The following ADD1 variants were observed in gnomAD, a reference collection of about 807,000 sequenced individuals.
ADD1 encodes the protein alpha-adducin.
ADD1 carries 24 observed loss-of-function variants against 80.5 expected under a neutral mutation model. The ratio of observed to expected loss-of-function variants is 0.30; its 90% CI spans 0.22 to 0.42. ADD1 has a LOEUF of 0.42. ADD1 is among the 10% of genes least tolerant of loss of function. The pLI, the probability that ADD1 is intolerant of heterozygous loss-of-function variation, is 1.00. For missense variants in ADD1, 948 were observed against 1,019.0 expected (o/e 0.93, Z 0.95); for synonymous variants, 373 against 393.8 (o/e 0.95, Z 0.63).
chr4:2,844,325 G>A (rs756231687), intron 1 of ADD1: 1 of 152,530 alleles, frequency 6.6e-6, no homozygotes, highest in Non-Finnish European at 1.5e-5. Flanking sequence ...CTGCAGGGGT[G>A]GGGGCGGAGG....
At chr4:2,918,191 C>T (rs1388335445) in intron 14 of ADD1, among the ~76,000 whole-genome samples, 1 of 151,922 alleles carries the variant, frequency 6.6e-6, no homozygotes, top group Non-Finnish European at 1.5e-5. Flanking sequence ...TGTCCTATTT[C>T]GCTGAGCAGT....
In ADD1 at chr4:2,909,361, C is replaced by T. The variant is rs547726216; in HGVS notation, c.1721C>T (p.Thr574Met). Residue 574 changes from threonine to methionine, a missense_variant, in exon 13 of 16, where the codon ACG becomes ATG. Physicochemically the swap from Thr to Met is moderately conservative, Grantham distance 81. Coordinates refer to ENST00000683351, the MANE Select transcript of ADD1 (RefSeq NM_001354761.2). ...CAGGATGCACCTCTCTCTGACTGTA[C>T]GGAAACTATCGAAGGGCTCGAGCTT... The part of the protein sequence containing the change: ...LVQDAPLSDC[T>M]ETIEGLELTE... 4.5e-5 allele frequency: 69 copies of T among 1,550,438 alleles called. 1 individual carries two copies. Among genetic ancestry groups the T allele is most frequent in the Non-Finnish European group, 5.4e-5 (62 of 1,146,886 alleles).
chr4:2,914,310 T>G (rs1738612593), intron 13 of ADD1, among the ~76,000 whole-genome samples: 1 of 152,248 alleles, frequency 6.6e-6, no homozygotes, highest in South Asian at 2.1e-4. Context: ...TTTTCAGAGT[T>G]TTCCAAATTC....
chr4:2,917,794 C>T (rs1739331578), intron 14 of ADD1, among the ~76,000 whole-genome samples: 1 of 152,100 alleles, frequency 6.6e-6, no homozygotes, highest in African/African-American at 2.4e-5. Flanking sequence ...TTTTCCCATT[C>T]CTTGTTTTTG....
chr4:2,877,350 T>G (rs1731524165), intron 2 of ADD1, among the ~76,000 whole-genome samples: 1 of 152,120 alleles, frequency 6.6e-6, no homozygotes, highest in Non-Finnish European at 1.5e-5. Context: ...TTTAAGGAAC[T>G]GGGCATTTAG....
At chr4:2,864,802 C>T (rs539113571) in intron 1 of ADD1, among the ~76,000 whole-genome samples, 63 of 152,254 alleles carry the variant, frequency 4.1e-4, no homozygotes, top group Middle Eastern at 3.4e-3. Flanking sequence ...ATTTTATTCA[C>T]GTTCTTAATG....
intron 1 of ADD1, among the ~76,000 whole-genome samples, chr4:2,857,161 C>G (rs1728205127): frequency 6.6e-6 from 1 of 152,186 alleles, no homozygotes; most frequent in Non-Finnish European, 1.5e-5. Context: ...ATCTGCCTGT[C>G]TCAGCCTCCC....
rs180726506 is a variant in ADD1 at position 2,924,725 on chromosome 4, G to A, written c.1949-1289G>A. Among the ~76,000 whole-genome samples the A allele has an allele frequency of 1.4e-4, 22 of 152,278 alleles. No individual in the cohort carries two copies. In the East Asian group the frequency reaches 3.7e-3, roughly 25 times the overall value. On this transcript the variant is annotated intron_variant, in intron 14 of 15. Coordinates refer to ENST00000683351, the MANE Select transcript of ADD1 (RefSeq NM_001354761.2). ...CACACCGCTATTTACTATTCAGGCC[G>A]CCACACACACCAGGCCCTGCTGCTG...
At chr4:2,876,925 C>T (rs1302516235) in intron 2 of ADD1, among the ~76,000 whole-genome samples, 2 of 151,242 alleles carry the variant, frequency 1.3e-5, no homozygotes, top group Non-Finnish European at 1.5e-5. Context: ...TCACTTGAAA[C>T]CGGGAGGCGG....
At chr4:2,904,589 C>T (rs1426630488) in intron 9 of ADD1, 175 bp from the exon 10 acceptor site, 5 of 635,188 alleles carry the variant, frequency 7.9e-6, no homozygotes, top group Non-Finnish European at 1.4e-5. Flanking sequence ...ATTTTAGTAC[C>T]TGGTTTTTGG....
At chr4:2,902,087 T>A (rs1394516509) in intron 9 of ADD1, 1 of 152,130 alleles carries the variant, frequency 6.6e-6, no homozygotes, top group Non-Finnish European at 1.5e-5. Context: ...AGCCAGATAG[T>A]AGTTCTGAGG....
intron 12 of ADD1, 136 bp downstream of exon 12, chr4:2,908,740 A>G: frequency 1.3e-6 from 1 of 741,642 alleles, no homozygotes; most frequent in Middle Eastern, 2.4e-4. Flanking sequence ...TAAAACCTTC[A>G]TGATGAGAAA....
At chr4:2,914,753 G>A (rs1454413094) in intron 13 of ADD1, 131 bp from the exon 14 acceptor site, 6 of 1,037,490 alleles carry the variant, frequency 5.8e-6, no homozygotes, top group Non-Finnish European at 8.4e-6. Context: ...TCGGGCCCAT[G>A]GCAGTGCAGT....
chr4:2,926,993 G>A lies in ADD1; in HGVS notation c.2047+881G>A, dbSNP rs546378798. On this transcript the variant is annotated intron_variant, in intron 15 of 15. Transcript: ENST00000683351. This position sits in a 1 kb window ranked among gnomAD's most constrained non-coding sequence, Gnocchi z 5.0. ...AGGGTTTTGCCACACTGGATCAGAT[G>A]TAAGTGCAGCCTCGGTTCAGACAGG... 1.1e-4 allele frequency among the ~76,000 whole-genome samples: 17 copies of A among 152,374 alleles called. No individual in the cohort carries two copies. In the South Asian group the frequency reaches 3.3e-3, roughly 30 times the overall value.
chr4:2,870,689 T>G (rs530870774), intron 1 of ADD1, among the ~76,000 whole-genome samples: 1 of 152,360 alleles, frequency 6.6e-6, no homozygotes, highest in African/African-American at 2.4e-5. Context: ...TAAGGAGATT[T>G]ATCTCTGTTA....
intron 13 of ADD1, among the ~76,000 whole-genome samples, chr4:2,914,003 G>A (rs540385804): frequency 4.6e-5 from 7 of 150,990 alleles, no homozygotes; most frequent in East Asian, 2.0e-4. Context: ...AGCTTGCAGC[G>A]AGCCGAGATT....
chr4:2,914,843 G>A (rs371885274), intron 13 of ADD1, 41 bp from the exon 14 acceptor site: 16 of 1,547,304 alleles, frequency 1.0e-5, no homozygotes, highest in Middle Eastern at 2.1e-4. Context: ...AGTCCCCATC[G>A]GGCCGGGCTC....
intron 4 of ADD1, among the ~76,000 whole-genome samples, chr4:2,893,079 G>A (rs115664663): frequency 5.6e-4 from 85 of 151,844 alleles, no homozygotes; most frequent in African/African-American, 2.0e-3. Flanking sequence ...ACCACAGGTG[G>A]CCAAGTTGTC....
intron 5 of ADD1, 79 bp from the exon 6 acceptor site, chr4:2,894,503 C>A (rs1229985569): frequency 8.0e-6 from 10 of 1,250,026 alleles, no homozygotes; most frequent in Non-Finnish European, 1.1e-5. Context: ...AGAGCCAGAC[C>A]CTATCAAAAA....
Sources: allele counts gnomAD v4.1 joint callset (sites outside exome capture counted in the v4.1 genomes callset), GRCh38; gene constraint gnomAD v4.1.1; non-coding constraint Gnocchi (gnomAD v3.1); transcripts MANE v1.5; gene names NCBI Gene and HGNC (gene_info 2026-07-23, HGNC 2026-07-21).